The following OPRM1 variants were observed in gnomAD, a reference collection of about 807,000 sequenced individuals.
The protein encoded by OPRM1 is opioid receptor mu 1, also known as mu-type opioid receptor.
Under a neutral mutation model 31.8 loss-of-function variants are expected in OPRM1, and 27 were observed. The ratio of observed to expected loss-of-function variants is 0.85; its 90% CI spans 0.63 to 1.17. OPRM1 has a LOEUF of 1.17. Among genes scored for constraint, OPRM1 ranks in the 50% most tolerant of loss-of-function variants. OPRM1 has a pLI of 0.00. For missense variants in OPRM1, 536 were observed against 511.1 expected, an observed-to-expected ratio of 1.05 and a Z score of -0.47; for synonymous variants, 196 against 189.9, an observed-to-expected ratio of 1.03 and a Z score of -0.26.
At position 154,244,351 on chromosome 6, in the gene OPRM1, G is replaced by A. The variant is rs531996136; in HGVS notation, c.1165-2342G>A. On this transcript the variant is annotated intron_variant, in intron 3 of 3. Coordinates refer to the OPRM1 transcript ENST00000337049. ...GTTTGTGGTGGAGAGGAAGAGAGAG[G>A]GAGAATTCCCCTACATACCATTAGT... Among the ~76,000 whole-genome samples the A allele has an allele frequency of 1.7e-3, 260 of 150,796 alleles. 2 individuals carry two copies. The highest frequency in any genetic ancestry group is 6.0e-3 in the African/African-American group (245 of 40,962).
upstream of OPRM1, chr6:154,038,992 G>A (rs548680841): frequency 2.3e-4 from 164 of 723,760 alleles, no homozygotes; most frequent in African/African-American, 2.7e-3. Context: ...GAGCATTGGG[G>A]TTTTAGGGCT....
At chr6:154,223,234 C>G (rs1162570791) in intron 3 of OPRM1, 7 of 1,612,554 alleles carry the variant, frequency 4.3e-6, no homozygotes, top group Non-Finnish European at 5.9e-6. Flanking sequence ...AATCCATCAG[C>G]TTTCTCTGCC....
chr6:154,180,262 G>GGTTCCCAGGTTTTGTAC (rs1800718901), intron 3 of OPRM1, among the ~76,000 whole-genome samples: 1 of 151,764 alleles, frequency 6.6e-6, no homozygotes, highest in African/African-American at 2.4e-5. Context: ...TGTTAGACTA[G>GGTTCCCAGGTTTTGTAC]CTTAGGATGT....
intron 1 of OPRM1, among the ~76,000 whole-genome samples, chr6:154,084,275 T>C (rs952526897): frequency 2.0e-5 from 3 of 152,152 alleles, no homozygotes; most frequent in Non-Finnish European, 2.9e-5. Context: ...TCCTCCATTC[T>C]CCCCTTCACT....
intron 3 of OPRM1, among the ~76,000 whole-genome samples, chr6:154,200,384 A>C (rs1776963559): frequency 6.6e-6 from 1 of 152,226 alleles, no homozygotes; most frequent in South Asian, 2.1e-4. Flanking sequence ...ATAATTTGCA[A>C]TCTATCACTG....
rs569680249 is a variant in OPRM1, at chr6:154,193,091, G to A, written c.1165-53602G>A. ...ATGCATGTTTACAGCAGCACAATTC[G>A]CAATTGCTAAAATATGGAACCAGCC... On this transcript the variant is annotated intron_variant, in intron 3 of 3. Coordinates refer to the OPRM1 transcript ENST00000337049. Among the ~76,000 whole-genome samples the A allele has an allele frequency of 3.9e-5, 6 of 152,242 alleles. No homozygotes were observed. In the South Asian group the frequency reaches 8.3e-4, roughly 21 times the overall value.
intron 1 of OPRM1, among the ~76,000 whole-genome samples, chr6:154,051,573 G>T (rs1782207092): frequency 2.0e-5 from 3 of 152,088 alleles, no homozygotes; most frequent in Admixed American, 1.3e-4. Flanking sequence ...AAGCATATGA[G>T]AAAAAGCTCA....
At chr6:154,047,537 G>C (rs1781369778) in intron 1 of OPRM1, among the ~76,000 whole-genome samples, 2 of 151,958 alleles carry the variant, frequency 1.3e-5, no homozygotes, top group Admixed American at 1.3e-4. Context: ...GTCCTATCCT[G>C]GATGTTGTAT....
At chr6:154,159,759 G>A in intron 3 of OPRM1, 2 of 1,262,384 alleles carry the variant, frequency 1.6e-6, no homozygotes, top group East Asian at 2.4e-5. Flanking sequence ...AAGGAAAAAT[G>A]TAAGCTTTTG....
intron 1 of OPRM1, among the ~76,000 whole-genome samples, chr6:154,021,052 G>A (rs1299067946): frequency 6.6e-6 from 1 of 152,134 alleles, no homozygotes; most frequent in Non-Finnish European, 1.5e-5. Flanking sequence ...AGGTCATCTA[G>A]ATTTTCTTCT....
At chr6:154,143,305 T>C (rs535024091) in intron 3 of OPRM1, among the ~76,000 whole-genome samples, 1 of 152,314 alleles carries the variant, frequency 6.6e-6, no homozygotes, top group South Asian at 2.1e-4. Flanking sequence ...CTCATCACTC[T>C]TGCTCCATCT....
intron 3 of OPRM1, among the ~76,000 whole-genome samples, chr6:154,176,160 A>G (rs967200914): frequency 6.6e-6 from 1 of 152,254 alleles, no homozygotes; most frequent in African/African-American, 2.4e-5. Flanking sequence ...CTAGGTATTG[A>G]TGGAATGTAT....
chr6:154,105,374 G>A (rs1795429334), intron 3 of OPRM1, among the ~76,000 whole-genome samples: 1 of 152,154 alleles, frequency 6.6e-6, no homozygotes. Context: ...TTTTCTATTG[G>A]TTTACTGAAT....
intron 1 of OPRM1, among the ~76,000 whole-genome samples, chr6:154,031,751 A>G (rs565138339): frequency 3.3e-5 from 5 of 152,284 alleles, no homozygotes; most frequent in African/African-American, 1.2e-4. Context: ...GGAAAAAAAT[A>G]ATAATAAAAA....
At position 154,091,278 on chromosome 6, in the gene OPRM1, A is replaced by T; in HGVS notation, c.970A>T (p.Ile324Phe). 6.2e-7 allele frequency: 1 copy of T among 1,614,186 alleles called. No homozygotes were observed. The highest frequency in any genetic ancestry group is 8.5e-7 in the Non-Finnish European group (1 of 1,180,034). The change falls in exon 3 of 4, where the codon ATT becomes TTT. Residue 324 changes from isoleucine to phenylalanine, a missense_variant. Physicochemically the swap from Ile to Phe is conservative, Grantham distance 21. Transcript: ENST00000330432. Reference protein sequence around the residue: ...TFQTVSWHFCIALGYTNSCLN... With the variant: ...TFQTVSWHFCFALGYTNSCLN... Reference sequence around the variant, plus strand: ...CCAGACTGTTTCTTGGCACTTCTGCATTGCTCTAGGTTACACAAACAGCTG... The same window carrying T: ...CCAGACTGTTTCTTGGCACTTCTGCTTTGCTCTAGGTTACACAAACAGCTG...
At chr6:154,234,294 T>G (rs963347904) in intron 3 of OPRM1, among the ~76,000 whole-genome samples, 16 of 151,952 alleles carry the variant, frequency 1.1e-4, no homozygotes, top group Non-Finnish European at 2.4e-4. Context: ...GCTCCCAGGG[T>G]TCCCCAGAAG....
At chr6:154,202,350 A>G in intron 3 of OPRM1, among the ~76,000 whole-genome samples, 1 of 152,330 alleles carries the variant, frequency 6.6e-6, no homozygotes, top group South Asian at 2.1e-4. Flanking sequence ...TATAATTTCA[A>G]TAAAACCCTA....
chr6:154,157,589 G>C (rs1798767088), intron 3 of OPRM1: 1 of 152,154 alleles, frequency 6.6e-6, no homozygotes, highest in East Asian at 1.9e-4. Context: ...ATGTCTTCAC[G>C]AAAAGCCAAA....
chr6:154,169,526 A>T (rs1264042782), intron 3 of OPRM1, among the ~76,000 whole-genome samples: 1 of 152,216 alleles, frequency 6.6e-6, no homozygotes, highest in Non-Finnish European at 1.5e-5. Flanking sequence ...AATTATACAC[A>T]TGCTAAAGTT....
Sources: allele counts gnomAD v4.1 joint callset (sites outside exome capture counted in the v4.1 genomes callset), GRCh38; gene constraint gnomAD v4.1.1; transcripts MANE v1.5; gene names NCBI Gene and HGNC (gene_info 2026-07-23, HGNC 2026-07-21).